TNFRSF19: variants seen among roughly 807,000 people sequenced by gnomAD.
TNFRSF19 encodes the protein tumor necrosis factor receptor superfamily member 19.
TNFRSF19 carries 27 observed loss-of-function variants against 46.4 expected under a neutral mutation model. That is an observed-to-expected ratio of 0.58 (90% CI 0.43 to 0.80). The LOEUF (loss-of-function observed/expected upper bound fraction) is 0.80. Ranked by LOEUF, TNFRSF19 falls within the 30% of genes least tolerant of loss-of-function variation. The pLI is 0.00. For missense variants in TNFRSF19, 511 were observed against 530.8 expected (o/e 0.96, Z 0.37); for synonymous variants, 204 against 205.0 (o/e 1.00, Z 0.04).
At chr13:23,672,334 G>A (rs1289729545) in intron 9 of TNFRSF19, among the ~76,000 whole-genome samples, 2 of 152,200 alleles carry the variant, frequency 1.3e-5, no homozygotes, top group Non-Finnish European at 2.9e-5. Flanking sequence ...AACAAAGCCA[G>A]CCTGTTTACC....
intron 5 of TNFRSF19, among the ~76,000 whole-genome samples, chr13:23,650,112 T>A (rs1474599498): frequency 6.6e-6 from 1 of 152,196 alleles, no homozygotes; most frequent in Non-Finnish European, 1.5e-5. Flanking sequence ...CCCAAACAGC[T>A]CTTCTGGCAT....
At chr13:23,597,759 C>T (rs1879844111) in intron 3 of TNFRSF19, among the ~76,000 whole-genome samples, 1 of 152,172 alleles carries the variant, frequency 6.6e-6, no homozygotes, top group Non-Finnish European at 1.5e-5. Context: ...AGGTCAGCAT[C>T]ATCCTGATAT....
chr13:23,668,581 C>T, intron 8 of TNFRSF19, 111 bp from the exon 9 acceptor site: 1 of 1,209,708 alleles, frequency 8.3e-7, no homozygotes, highest in East Asian at 2.4e-5. Context: ...AATTCTGATG[C>T]AGTAAATTGC....
chr13:23,578,135 G>A (rs368935257), intron 1 of TNFRSF19, among the ~76,000 whole-genome samples: 5 of 152,126 alleles, frequency 3.3e-5, no homozygotes, highest in African/African-American at 1.2e-4. Flanking sequence ...AGCTGGGGAA[G>A]GAAACAGATA....
Position 23,615,498 on chromosome 13 carries a change from A to C in TNFRSF19, c.181-369A>C, listed in dbSNP as rs140884115. Among the ~76,000 whole-genome samples the C allele has an allele frequency of 2.7e-3, 405 of 152,328 alleles. 2 individuals are homozygous for C. Among genetic ancestry groups the C allele is most frequent in the Non-Finnish European group, 4.3e-3 (295 of 68,028 alleles). On this transcript the variant is annotated intron_variant, in intron 3 of 9. Transcript: ENST00000248484. ...CAAAGTACTGATTTTCTGCCTTAGA[A>C]GTGAGTGTGTGAATGTTTCCCTGGC...
At chr13:23,629,892 G>A (rs768547969) in intron 5 of TNFRSF19, among the ~76,000 whole-genome samples, 26 of 152,146 alleles carry the variant, frequency 1.7e-4, no homozygotes, top group South Asian at 4.1e-4. Flanking sequence ...TGTCCTGGAC[G>A]GGGAGGATCT....
intron 4 of TNFRSF19, among the ~76,000 whole-genome samples, chr13:23,616,462 C>T (rs899677720): frequency 1.7e-4 from 26 of 152,210 alleles, no homozygotes; most frequent in Admixed American, 1.5e-3. Context: ...TCAGCAGAGA[C>T]GTGCCCAACC....
chr13:23,666,790 C>T (rs1244937689), intron 7 of TNFRSF19, among the ~76,000 whole-genome samples: 2 of 152,138 alleles, frequency 1.3e-5, no homozygotes, highest in Non-Finnish European at 2.9e-5. Context: ...ATGGTCTGGA[C>T]GGAGGCCTTG....
At chr13:23,597,652 G>T (rs557226132) in intron 3 of TNFRSF19, among the ~76,000 whole-genome samples, 33 of 152,028 alleles carry the variant, frequency 2.2e-4, no homozygotes, top group African/African-American at 8.0e-4. Context: ...ATTCACAGCC[G>T]AATTCTACCA....
rs148157886 is a variant in TNFRSF19, at chr13:23,588,953, C to T, written c.-34-1197C>T. On this transcript the variant is annotated intron_variant, in intron 1 of 9. Transcript: ENST00000248484. ...TGGTTCATCTGGGTTCAGCCACTTC[C>T]GGGGCACCCGTCAGCTCACCCCTGA... 8.4e-3 allele frequency among the ~76,000 whole-genome samples: 1,285 copies of T among 152,320 alleles called. 5 individuals are homozygous for T. The highest frequency in any genetic ancestry group is 0.015 in the Non-Finnish European group (1,002 of 68,014).
At chr13:23,609,573 C>T (rs1217978523) in intron 3 of TNFRSF19, among the ~76,000 whole-genome samples, 1 of 152,148 alleles carries the variant, frequency 6.6e-6, no homozygotes. Context: ...TTGCATGAAC[C>T]ACTTGAAACA....
At chr13:23,629,404 C>T (rs1051261460) in intron 5 of TNFRSF19, among the ~76,000 whole-genome samples, 2 of 152,172 alleles carry the variant, frequency 1.3e-5, no homozygotes, top group South Asian at 2.1e-4. Flanking sequence ...TCTGTCCTAA[C>T]CTAATGGGTC....
chr13:23,590,268 T>C lies in TNFRSF19; in HGVS notation c.69+16T>C, dbSNP rs1879169406. 1 of 1,491,020 alleles carries C rather than the reference T, an allele frequency of 6.7e-7. No homozygotes were observed. The highest frequency in any genetic ancestry group is 2.0e-5 in the Admixed American group (1 of 51,024). 92.4% of individuals were successfully genotyped at this position (1,491,020 alleles called of 1,614,324 possible). On this transcript the variant is annotated intron_variant, in intron 2 of 9. Transcript: ENST00000248484. ...AGGCTATTTGGTAAGTAAAGTCCTTTTTTCTTTCATAAGAATGTGGTGAAA... is the reference window on the plus strand; with the variant it reads ...AGGCTATTTGGTAAGTAAAGTCCTTCTTTCTTTCATAAGAATGTGGTGAAA...
At chr13:23,625,167 C>T (rs1240586806) in intron 4 of TNFRSF19, among the ~76,000 whole-genome samples, 1 of 152,102 alleles carries the variant, frequency 6.6e-6, no homozygotes, top group African/African-American at 2.4e-5. Context: ...AATGATATTT[C>T]ATGACTTTTT....
At chr13:23,570,951 T>C (rs1465328300) in intron 1 of TNFRSF19, 103 bp downstream of exon 1, 1 of 152,256 alleles carries the variant, frequency 6.6e-6, no homozygotes, top group African/African-American at 2.4e-5. Context: ...AGAATGGTTT[T>C]AATTAATTTT....
At chr13:23,620,377 CGAGG>C (rs1881576012) in intron 4 of TNFRSF19, among the ~76,000 whole-genome samples, 1 of 152,176 alleles carries the variant, frequency 6.6e-6, no homozygotes, top group South Asian at 2.1e-4. Flanking sequence ...GTCCATAGGC[CGAGG>C]TCCCCCAGGA....
At chr13:23,610,775 A>G (rs1030895533) in intron 3 of TNFRSF19, among the ~76,000 whole-genome samples, 1 of 152,056 alleles carries the variant, frequency 6.6e-6, no homozygotes, top group African/African-American at 2.4e-5. Context: ...CACTTCTCAT[A>G]TGATTTTAGG....
At chr13:23,634,899 G>A (rs1350750090) in intron 5 of TNFRSF19, among the ~76,000 whole-genome samples, 1 of 152,100 alleles carries the variant, frequency 6.6e-6, no homozygotes, top group Non-Finnish European at 1.5e-5. Flanking sequence ...ACTTCCTAGG[G>A]GGTTTACTTG....
intron 3 of TNFRSF19, among the ~76,000 whole-genome samples, chr13:23,596,287 C>T (rs1879717013): frequency 1.3e-5 from 2 of 152,004 alleles, no homozygotes; most frequent in Admixed American, 6.6e-5. Context: ...GGGCTAAATA[C>T]ACCAATTAGA....
Sources: gnomAD v4.1 joint callset for allele counts (sites outside exome capture counted in the v4.1 genomes callset) on GRCh38, gnomAD v4.1.1 for gene constraint, MANE v1.5 for transcripts, NCBI Gene and HGNC (gene_info 2026-07-23, HGNC 2026-07-21) for gene names.